RGS6: variants seen among roughly 807,000 people sequenced by gnomAD.
RGS6 encodes regulator of G-protein signaling 6.
RGS6 carries 30 observed loss-of-function variants against 78.5 expected under a neutral mutation model. The observed-to-expected ratio is 0.38, with a 90% CI of 0.29 to 0.52. RGS6 has a LOEUF of 0.52. Ranked by LOEUF, RGS6 falls within the 20% of genes least tolerant of loss-of-function variation. The pLI is 0.85. For missense variants in RGS6, 495 were observed against 609.7 expected (o/e 0.81, Z 1.98); for synonymous variants, 206 against 206.0 (o/e 1.00, Z 0.00).
chr14:72,197,553 A>G (rs922884512), intron 2 of RGS6, among the ~76,000 whole-genome samples: 1 of 152,242 alleles, frequency 6.6e-6, no homozygotes, highest in African/African-American at 2.4e-5. Context: ...CCAGAGACCC[A>G]GGGGACAATA....
chr14:72,256,574 C>T (rs1421777190), intron 2 of RGS6, among the ~76,000 whole-genome samples: 1 of 152,140 alleles, frequency 6.6e-6, no homozygotes, highest in Non-Finnish European at 1.5e-5. Flanking sequence ...TAATTCTAAC[C>T]TTGTCGCTTT....
intron 2 of RGS6, among the ~76,000 whole-genome samples, chr14:72,263,450 ACTC>A (rs1448191360): frequency 6.6e-6 from 1 of 151,306 alleles, no homozygotes; most frequent in Non-Finnish European, 1.5e-5. Context: ...GTCTCTCTGC[ACTC>A]CTCCTCCAAC....
intron 2 of RGS6, among the ~76,000 whole-genome samples, chr14:72,127,946 T>C (rs1015701645): frequency 2.0e-5 from 3 of 149,606 alleles, no homozygotes; most frequent in African/African-American, 7.3e-5. Context: ...GATTTTTTTT[T>C]CCCTCAGCAT....
At chr14:72,392,958 C>T (rs1685182480) in intron 3 of RGS6, among the ~76,000 whole-genome samples, 1 of 152,200 alleles carries the variant, frequency 6.6e-6, no homozygotes, top group Non-Finnish European at 1.5e-5. Flanking sequence ...CAGCGCAAAC[C>T]TTCACCATTA....
chr14:72,202,642 G>A (rs1422445164), intron 2 of RGS6, among the ~76,000 whole-genome samples: 3 of 152,042 alleles, frequency 2.0e-5, no homozygotes, highest in African/African-American at 7.2e-5. Context: ...CTGCCCAGAT[G>A]TCCCCCAAAG....
At chr14:72,325,403 G>A (rs537686842) in intron 2 of RGS6, among the ~76,000 whole-genome samples, 28 of 152,246 alleles carry the variant, frequency 1.8e-4, no homozygotes, top group Admixed American at 6.5e-4. Context: ...GTTGCTTTTG[G>A]TGTTTTAGTC....
the RGS6 span, among the ~76,000 whole-genome samples, chr14:71,874,361 C>T: frequency 1.3e-5 from 2 of 151,906 alleles, no homozygotes; most frequent in Non-Finnish European, 2.9e-5. Flanking sequence ...CCTTCACATC[C>T]CTTGTAAGTT....
chr14:72,560,817 T>TGTGTGTGC (rs1053233615), intron 17 of RGS6, among the ~76,000 whole-genome samples: 1 of 151,284 alleles, frequency 6.6e-6, no homozygotes, highest in African/African-American at 2.4e-5. Flanking sequence ...TGTGTGTGTG[T>TGTGTGTGC]GTGTGTGTGT....
chr14:72,424,957 A>T (rs1440978767), intron 3 of RGS6, among the ~76,000 whole-genome samples: 1 of 152,216 alleles, frequency 6.6e-6, no homozygotes, highest in East Asian at 1.9e-4. Context: ...GCTTCAGAAG[A>T]TGCAACAGTG....
At chr14:72,518,199 C>A in intron 14 of RGS6, 152 bp from the exon 15 acceptor site, 1 of 655,582 alleles carries the variant, frequency 1.5e-6, no homozygotes, top group South Asian at 2.2e-5. Flanking sequence ...TTTTCACAAT[C>A]TCCATGGTCT....
chr14:72,410,028 G>A (rs1468020113), intron 3 of RGS6, among the ~76,000 whole-genome samples: 3 of 152,170 alleles, frequency 2.0e-5, no homozygotes, highest in Non-Finnish European at 4.4e-5. Context: ...AAACATACAT[G>A]TGCATGTGTC....
chr14:72,253,180 G>A (rs2056245856), intron 2 of RGS6, among the ~76,000 whole-genome samples: 1 of 152,220 alleles, frequency 6.6e-6, no homozygotes, highest in African/African-American at 2.4e-5. Context: ...GGCTGTAAGA[G>A]CCATCATGTG....
chr14:72,629,848 T>C, the RGS6 span: 1 of 884,648 alleles, frequency 1.1e-6, no homozygotes, highest in Non-Finnish European at 1.8e-6. Context: ...CAGGGTAGCA[T>C]GACGTAGGGA....
chr14:72,389,280 C>T (rs1301616840), intron 3 of RGS6, among the ~76,000 whole-genome samples: 1 of 152,102 alleles, frequency 6.6e-6, no homozygotes, highest in Non-Finnish European at 1.5e-5. Context: ...CTGCCCAACC[C>T]CCACCCCAGC....
chr14:72,037,562 A>G (rs1479412122), intron 2 of RGS6, among the ~76,000 whole-genome samples: 1 of 152,158 alleles, frequency 6.6e-6, no homozygotes, highest in African/African-American at 2.4e-5. Context: ...CCAACTCCAG[A>G]CACAGTATGA....
At chr14:72,464,355 G>A (rs1398340839) in intron 6 of RGS6, among the ~76,000 whole-genome samples, 1 of 152,176 alleles carries the variant, frequency 6.6e-6, no homozygotes, top group East Asian at 1.9e-4. Flanking sequence ...AATAACAGAT[G>A]TGCCTGATAT....
intron 14 of RGS6, among the ~76,000 whole-genome samples, chr14:72,515,539 C>T (rs1466854748): frequency 6.6e-6 from 1 of 152,046 alleles, no homozygotes; most frequent in East Asian, 1.9e-4. Context: ...GGTGACATGC[C>T]CCTGTAATTC....
chr14:71,873,512 G>T, the RGS6 span, among the ~76,000 whole-genome samples: 10 of 152,100 alleles, frequency 6.6e-5, no homozygotes, highest in Non-Finnish European at 1.3e-4. Context: ...TTGTAAATTT[G>T]TTTAAGTTCT....
chr14:72,220,490 T>C (rs910748268), intron 2 of RGS6, among the ~76,000 whole-genome samples: 2 of 152,182 alleles, frequency 1.3e-5, no homozygotes, highest in African/African-American at 2.4e-5. Context: ...CTATTTAACA[T>C]AGTTGAGTTT....
Sources: allele counts gnomAD v4.1 joint callset (sites outside exome capture counted in the v4.1 genomes callset), GRCh38; gene constraint gnomAD v4.1.1; transcripts MANE v1.5; gene names NCBI Gene and HGNC (gene_info 2026-07-23, HGNC 2026-07-21).